Variants in ATP2B4 observed in about 807,000 individuals in gnomAD.
The protein encoded by ATP2B4 is plasma membrane calcium-transporting ATPase 4.
ATP2B4 carries 39 observed loss-of-function variants against 110.3 expected under a neutral mutation model. The ratio of observed to expected loss-of-function variants is 0.35; its 90% confidence interval spans 0.27 to 0.46. The LOEUF is 0.46. ATP2B4 is among the 20% of genes least tolerant of loss of function. ATP2B4 has a pLI of 1.00. For synonymous variants in ATP2B4, 538 were observed against 571.7 expected (o/e 0.94, Z 0.84); for missense variants, 1,135 against 1,530.9 (o/e 0.74, Z 4.32).
intron 20 of ATP2B4, among the ~76,000 whole-genome samples, chr1:203,730,974 C>G (rs1666689522): frequency 6.6e-6 from 1 of 152,192 alleles, no homozygotes; most frequent in Non-Finnish European, 1.5e-5. Flanking sequence ...CCCCTGCCAC[C>G]TCCACGTTGA....
At position 203,666,359 on chromosome 1, in the gene ATP2B4, G is replaced by T. The variant is rs778963222; in HGVS notation, c.-464-16383G>T. On this transcript the variant is annotated intron_variant, in intron 1 of 20. Transcript: ENST00000357681. ...GGCTCCTTTGAAATGAGAGTTGAAAGGGTCCTGACCAGGGGACCTGCAGGA... is the reference window on the plus strand; with the variant it reads ...GGCTCCTTTGAAATGAGAGTTGAAATGGTCCTGACCAGGGGACCTGCAGGA... Among the ~76,000 whole-genome samples the T allele has an allele frequency of 9.2e-5, 14 of 152,286 alleles. No homozygotes were observed. The South Asian group carries it at 2.3e-3, about 25-fold the overall frequency.
intron 2 of ATP2B4, among the ~76,000 whole-genome samples, chr1:203,690,685 C>T (rs1665341932): frequency 6.6e-6 from 1 of 152,144 alleles, no homozygotes. Context: ...TTTCTTTGTG[C>T]CCTCTGCCCT....
At chr1:203,674,511 T>C (rs574095581) in intron 1 of ATP2B4, among the ~76,000 whole-genome samples, 7 of 152,240 alleles carry the variant, frequency 4.6e-5, no homozygotes, top group Non-Finnish European at 7.4e-5. Context: ...TTTTACTCTG[T>C]TACCCAGGCT....
intron 20 of ATP2B4, among the ~76,000 whole-genome samples, chr1:203,728,837 A>G (rs1339356185): frequency 6.7e-6 from 1 of 149,038 alleles, no homozygotes; most frequent in Non-Finnish European, 1.5e-5. Flanking sequence ...AGCCTGGCCA[A>G]CGAGAGCTAA....
intron 1 of ATP2B4, among the ~76,000 whole-genome samples, chr1:203,636,249 G>A (rs150435725): frequency 3.3e-5 from 5 of 152,304 alleles, no homozygotes; most frequent in Admixed American, 3.3e-4. Flanking sequence ...CCTGAGCTAA[G>A]CAAGGCCTTC....
chr1:203,722,853 T>C (rs1010455486), intron 18 of ATP2B4, among the ~76,000 whole-genome samples, 164 bp downstream of exon 18: 10 of 152,252 alleles, frequency 6.6e-5, no homozygotes, highest in African/African-American at 2.4e-4. Context: ...TTTTGCATAT[T>C]GCTCTAGAAT....
intron 2 of ATP2B4, among the ~76,000 whole-genome samples, chr1:203,684,886 T>A (rs1406853963): frequency 6.6e-6 from 1 of 152,010 alleles, no homozygotes; most frequent in Non-Finnish European, 1.5e-5. Context: ...TGAGAAGGAG[T>A]CTCACTCTTG....
Position 203,702,032 on chromosome 1 carries a change from T to G in ATP2B4, c.902-12T>G, listed in dbSNP as rs747413902. The G allele has an allele frequency of 6.2e-7, 1 of 1,614,110 alleles. No homozygotes were observed. Among genetic ancestry groups the G allele is most frequent in the South Asian group, 1.1e-5 (1 of 91,060 alleles). On this transcript the variant is annotated splice_polypyrimidine_tract_variant and intron_variant, in intron 6 of 20. Coordinates refer to ENST00000357681, the MANE Select transcript of ATP2B4 (RefSeq NM_001684.5). ...GGTTTCGACCCCACTTTTTTCTTTCTTGTTCAAACAGGTAAAAAACAAGGA... is the reference window on the plus strand; with the variant it reads ...GGTTTCGACCCCACTTTTTTCTTTCGTGTTCAAACAGGTAAAAAACAAGGA...
chr1:203,649,868 G>A (rs567598749), intron 1 of ATP2B4, among the ~76,000 whole-genome samples: 3 of 152,240 alleles, frequency 2.0e-5, no homozygotes, highest in East Asian at 1.9e-4. Flanking sequence ...GCCCCCACTC[G>A]TACCCGGCCA....
At chr1:203,636,692 G>A (rs1278193234) in intron 1 of ATP2B4, among the ~76,000 whole-genome samples, 1 of 152,012 alleles carries the variant, frequency 6.6e-6, no homozygotes, top group Non-Finnish European at 1.5e-5. Flanking sequence ...GATATCTCTG[G>A]GCCTTCATCA....
chr1:203,708,200 A>AT, intron 10 of ATP2B4, 96 bp downstream of exon 10: 1 of 1,522,440 alleles, frequency 6.6e-7, no homozygotes, highest in African/African-American at 1.4e-5. Context: ...ACACTGCCTA[A>AT]ATTGCCATCC....
intron 1 of ATP2B4, among the ~76,000 whole-genome samples, chr1:203,631,501 A>G (rs1204316500): frequency 1.3e-5 from 2 of 152,166 alleles, no homozygotes; most frequent in Non-Finnish European, 2.9e-5. Flanking sequence ...AGGTTCAAGG[A>G]AAGTCTTAGC....
chr1:203,724,572 T>C (rs1666446966), intron 19 of ATP2B4, among the ~76,000 whole-genome samples: 1 of 150,572 alleles, frequency 6.6e-6, no homozygotes, highest in Middle Eastern at 3.4e-3. Flanking sequence ...AACCAAACTT[T>C]TCAATGGAAT....
At chr1:203,691,525 G>A (rs1033665864) in intron 2 of ATP2B4, among the ~76,000 whole-genome samples, 1 of 152,210 alleles carries the variant, frequency 6.6e-6, no homozygotes, top group Non-Finnish European at 1.5e-5. Context: ...AAGGCCAAGA[G>A]CAGGGGGCGG....
Position 203,740,056 on chromosome 1 carries a change from TAGCG to T in ATP2B4, c.*203_*206del, listed in dbSNP as rs987542675. The T allele has an allele frequency of 6.5e-6, 4 of 615,646 alleles. No homozygotes were observed. The highest frequency in any genetic ancestry group is 1.1e-5 in the Non-Finnish European group (4 of 363,972). 38.1% of individuals were successfully genotyped at this position (615,646 alleles called of 1,614,324 possible). Reference sequence around the variant, plus strand: ...CAACTTAAGCTTGACTTGGGGTTTGTAGCGGGACCCAGTCAAACCCCATTCAGGT... The same window carrying T: ...CAACTTAAGCTTGACTTGGGGTTTGTGGACCCAGTCAAACCCCATTCAGGT... On this transcript the variant is annotated 3_prime_UTR_variant, in exon 21 of 21. Coordinates refer to ENST00000357681, the MANE Select transcript of ATP2B4 (RefSeq NM_001684.5).
chr1:203,661,347 A>C (rs899819289), intron 1 of ATP2B4, among the ~76,000 whole-genome samples: 1 of 152,162 alleles, frequency 6.6e-6, no homozygotes, highest in Non-Finnish European at 1.5e-5. Context: ...GCCTAGACAA[A>C]GTATTTAGCC....
At chr1:203,723,448 CT>C (rs1666402480) in intron 18 of ATP2B4, among the ~76,000 whole-genome samples, 5 of 137,388 alleles carry the variant, frequency 3.6e-5, no homozygotes, top group East Asian at 4.4e-4. Flanking sequence ...CTCTCTCTCT[CT>C]CTCTCTCTCT....
At chr1:203,702,901 C>A (rs1281598637) in intron 7 of ATP2B4, among the ~76,000 whole-genome samples, 1 of 152,216 alleles carries the variant, frequency 6.6e-6, no homozygotes, top group Non-Finnish European at 1.5e-5. Flanking sequence ...AGAAATAATT[C>A]TTTAATTTTA....
intron 14 of ATP2B4, among the ~76,000 whole-genome samples, chr1:203,713,489 G>A (rs1001948029): frequency 5.3e-5 from 8 of 151,930 alleles, no homozygotes; most frequent in East Asian, 1.9e-4. Context: ...TTTGGAGACC[G>A]AGTCTTGCTC....
Sources: allele counts gnomAD v4.1 joint callset (sites outside exome capture counted in the v4.1 genomes callset), GRCh38; gene constraint gnomAD v4.1.1; transcripts MANE v1.5; gene names NCBI Gene and HGNC (gene_info 2026-07-23, HGNC 2026-07-21).